Variants in LCMT1 observed in about 807,000 individuals in gnomAD.
LCMT1 encodes the protein leucine carboxyl methyltransferase 1.
LCMT1 carries 32 observed loss-of-function variants against 47.7 expected under a neutral mutation model. The ratio of observed to expected loss-of-function variants is 0.67; its 90% CI spans 0.51 to 0.90. The LOEUF (loss-of-function observed/expected upper bound fraction) is 0.90, where lower values mean the gene tolerates loss of function less well. Among genes scored for constraint, LCMT1 ranks in the 40% least tolerant of loss-of-function variants. The probability of loss-of-function intolerance (pLI) is 0.00; values close to 1 mark genes in which losing one functional copy is unlikely to be tolerated. For missense variants in LCMT1, 375 were observed against 415.2 expected (o/e 0.90, Z 0.84); for synonymous variants, 152 against 149.7 (o/e 1.02, Z -0.11).
intron 5 of LCMT1, among the ~76,000 whole-genome samples, chr16:25,157,414 G>T (rs563172060): frequency 1.3e-5 from 2 of 152,066 alleles, no homozygotes; most frequent in Non-Finnish European, 2.9e-5. Context: ...AATTAGCCAG[G>T]CATGGTGGTG....
intron 4 of LCMT1, 86 bp from the exon 5 acceptor site, chr16:25,151,468 T>C: frequency 1.8e-6 from 2 of 1,110,598 alleles, no homozygotes; most frequent in Non-Finnish European, 2.7e-6. Flanking sequence ...TGGTAGTGAG[T>C]GTCTGCATTT....
chr16:25,114,760 C>T (rs903355580), intron 1 of LCMT1, among the ~76,000 whole-genome samples: 2 of 152,164 alleles, frequency 1.3e-5, no homozygotes, highest in African/African-American at 4.8e-5. Context: ...TCCCGTGGCT[C>T]CTCCTCCTTC....
intron 4 of LCMT1, chr16:25,145,991 C>T (rs1960838300): frequency 6.6e-6 from 1 of 152,268 alleles, no homozygotes; most frequent in South Asian, 2.1e-4. Flanking sequence ...AGTCTGTCCT[C>T]TTCCAGGGAG....
chr16:25,175,015 C>A lies in LCMT1; in HGVS notation c.963C>A (p.Thr321=). 1 of 1,605,838 alleles carries A rather than the reference C, an allele frequency of 6.2e-7. No individual in the cohort carries two copies. The highest frequency in any genetic ancestry group is 8.5e-7 in the Non-Finnish European group (1 of 1,173,438). Residue 321 remains threonine, a synonymous_variant, in exon 10 of 11, where the codon ACC becomes ACA. Coordinates refer to ENST00000399069, the MANE Select transcript of LCMT1 (RefSeq NM_016309.3). Reference sequence around the variant, plus strand: ...GGCATTACTGCCTTTGCTGGGCAACCAAAGGAGGAAATGAGCTTGGTGCGT... The same window carrying A: ...GGCATTACTGCCTTTGCTGGGCAACAAAAGGAGGAAATGAGCTTGGTGCGT... The part of the protein sequence containing the change: ...LMRHYCLCWA[T]KGGNELGLKE...
chr16:25,178,046 C>T lies in LCMT1; in HGVS notation c.*23C>T, dbSNP rs1408243927. 3.1e-6 allele frequency: 5 copies of T among 1,612,550 alleles called. No homozygotes were observed. Among genetic ancestry groups the T allele is most frequent in the East Asian group, 2.2e-5 (1 of 44,858 alleles). On this transcript the variant is annotated 3_prime_UTR_variant, in exon 11 of 11. Coordinates refer to ENST00000399069, the MANE Select transcript of LCMT1 (RefSeq NM_016309.3). Reference sequence around the variant, plus strand: ...TAATCTGTCGAAGGCTTATGCCGAGCCAGAAGCCGAAGCCACTTGCCCTCC... The same window carrying T: ...TAATCTGTCGAAGGCTTATGCCGAGTCAGAAGCCGAAGCCACTTGCCCTCC...
At chr16:25,132,652 CT>C in intron 3 of LCMT1, 129 bp downstream of exon 3, 1 of 938,396 alleles carries the variant, frequency 1.1e-6, no homozygotes, top group East Asian at 2.7e-5. Context: ...CCTGTCCCAT[CT>C]GCCTAGATGC....
At chr16:25,123,223 C>CTTTTTTTTTTTTTTT (rs750991801) in intron 1 of LCMT1, among the ~76,000 whole-genome samples, 1 of 116,186 alleles carries the variant, frequency 8.6e-6, no homozygotes, top group Non-Finnish European at 1.7e-5. Context: ...TATATAACTT[C>CTTTTTTTTTTTTTTT]TTTTTTTTTT....
intron 9 of LCMT1, among the ~76,000 whole-genome samples, chr16:25,173,946 C>CT (rs1439848425): frequency 2.6e-5 from 4 of 152,206 alleles, no homozygotes; most frequent in Non-Finnish European, 5.9e-5. Flanking sequence ...GAGTCTCGCT[C>CT]TGTCACCAAG....
At chr16:25,162,883 T>TGTTC (rs1961473308) in intron 6 of LCMT1, among the ~76,000 whole-genome samples, 1 of 151,776 alleles carries the variant, frequency 6.6e-6, no homozygotes, top group Non-Finnish European at 1.5e-5. Flanking sequence ...TGGAACTTTT[T>TGTTC]GTTTGGAGAC....
At chr16:25,113,222 T>G (rs1959684475) in intron 1 of LCMT1, among the ~76,000 whole-genome samples, 1 of 150,962 alleles carries the variant, frequency 6.6e-6, no homozygotes, top group South Asian at 2.1e-4. Flanking sequence ...GAGTGTGAAC[T>G]GTTAGAGGAA....
chr16:25,177,906 C>T lies in LCMT1; in HGVS notation c.983-95C>T, dbSNP rs1961997837. The T allele has an allele frequency of 6.8e-6, 7 of 1,030,126 alleles. No homozygotes were observed. The South Asian group carries it at 8.9e-5, about 13-fold the overall frequency. The allele number at this position is 1,030,126 out of a possible 1,614,324, so 63.8% of individuals were successfully genotyped here. On this transcript the variant is annotated intron_variant, in intron 10 of 10. Transcript: ENST00000399069. ...GGTGCTACAGTGGTCAGCAGTGTGG[C>T]TGGTGCCCCTGAGCCGGTCACTGGG...
chr16:25,147,927 A>C (rs1360861585), intron 4 of LCMT1: 1 of 152,100 alleles, frequency 6.6e-6, no homozygotes, highest in Admixed American at 6.5e-5. Context: ...TCTTTAAACC[A>C]TCTGATTTGG....
intron 8 of LCMT1, chr16:25,169,465 G>C: frequency 2.9e-6 from 1 of 345,818 alleles, no homozygotes; most frequent in Non-Finnish European, 5.4e-6. Flanking sequence ...AAAGGTAGAG[G>C]GAATGGTGAA....
intron 2 of LCMT1, among the ~76,000 whole-genome samples, chr16:25,130,134 A>C (rs899908026): frequency 6.6e-6 from 1 of 151,972 alleles, no homozygotes; most frequent in African/African-American, 2.4e-5. Flanking sequence ...AGGTCAGGAG[A>C]TCGAGACCAT....
intron 1 of LCMT1, among the ~76,000 whole-genome samples, chr16:25,116,882 T>C (rs567892945): frequency 6.6e-5 from 10 of 151,316 alleles, no homozygotes; most frequent in Admixed American, 2.0e-4. Flanking sequence ...CAAAATGAGA[T>C]CCTGTCTCAG....
chr16:25,149,916 A>G (rs1336087212), intron 4 of LCMT1, among the ~76,000 whole-genome samples: 1 of 151,428 alleles, frequency 6.6e-6, no homozygotes, highest in Non-Finnish European at 1.5e-5. Flanking sequence ...GTCTCAAAAA[A>G]AAAAAAAAAA....
intron 2 of LCMT1, among the ~76,000 whole-genome samples, chr16:25,131,049 C>T (rs1008675541): frequency 2.6e-5 from 4 of 152,204 alleles, no homozygotes; most frequent in Middle Eastern, 3.2e-3. Context: ...AGATAATTTC[C>T]ATCAAGGAAG....
chr16:25,160,004 C>T lies in LCMT1; in HGVS notation c.467-1098C>T, dbSNP rs545063149. On this transcript the variant is annotated intron_variant, in intron 5 of 10. Coordinates refer to ENST00000399069, the MANE Select transcript of LCMT1 (RefSeq NM_016309.3). ...TAACTGAGATGGAGCCTCACTCTGT[C>T]GCCCAGGCTGGAGTGCAGTGGCATG... Among the ~76,000 whole-genome samples the T allele has an allele frequency of 2.1e-4, 32 of 149,492 alleles. No homozygotes were observed. In the South Asian group the frequency reaches 6.1e-3, roughly 29 times the overall value.
chr16:25,127,681 C>A (rs1166177332), intron 1 of LCMT1, among the ~76,000 whole-genome samples: 1 of 152,212 alleles, frequency 6.6e-6, no homozygotes, highest in Non-Finnish European at 1.5e-5. Context: ...GTAACAGAAG[C>A]CTGACTCAAA....
Sources: gnomAD v4.1 joint callset for allele counts (sites outside exome capture counted in the v4.1 genomes callset) on GRCh38, gnomAD v4.1.1 for gene constraint, MANE v1.5 for transcripts, NCBI Gene and HGNC (gene_info 2026-07-23, HGNC 2026-07-21) for gene names.